The following OR2T11 variants were observed in gnomAD, a reference collection of about 807,000 sequenced individuals.
OR2T11 encodes olfactory receptor family 2 subfamily T member 11.
In OR2T11, 14 loss-of-function variants were observed where a neutral mutation model predicts 13.5. The observed-to-expected ratio is 1.04, with a 90% CI of 0.69 to 1.62. The LOEUF (loss-of-function observed/expected upper bound fraction) is 1.62, where lower values mean the gene tolerates loss of function less well. Ranked by LOEUF, OR2T11 falls within the 40% of genes most tolerant of loss-of-function variation. The pLI is 0.00. For missense variants in OR2T11, 410 were observed against 389.7 expected (o/e 1.05, Z -0.44); for synonymous variants, 163 against 154.6 (o/e 1.05, Z -0.40).
In OR2T11 at chr1:248,626,802, G is replaced by A. The variant is rs547303299; in HGVS notation, c.327C>T (p.Phe109=). Residue 109 remains phenylalanine, a synonymous_variant, in exon 2 of 2, where the codon TTC becomes TTT. Coordinates refer to ENST00000641193, the MANE Select transcript of OR2T11 (RefSeq NM_001001964.2). ...CATAGGCCATGAGGCCCAGGAGGAA[G>A]AACTCAGAACCAATCATGGTCAGGT... ...FLYLTMIGSE[F]FLLGLMAYDC... 6.4e-6 allele frequency: 10 copies of A among 1,569,862 alleles called. 2 individuals are homozygous for A. In the African/African-American group the frequency reaches 9.1e-5, roughly 14 times the overall value.
At chr1:248,630,186 GAAAT>G (rs1159749457) in intron 1 of OR2T11, among the ~76,000 whole-genome samples, 1 of 142,354 alleles carries the variant, frequency 7.0e-6, no homozygotes, top group Non-Finnish European at 1.5e-5. Flanking sequence ...GTGCTGAAGA[GAAAT>G]AATTTTTTTT....
intron 1 of OR2T11, among the ~76,000 whole-genome samples, chr1:248,629,463 G>T (rs28729754): frequency 7.2e-6 from 1 of 139,424 alleles, no homozygotes; most frequent in Non-Finnish European, 1.5e-5. Flanking sequence ...CATGTCCATA[G>T]CTAGTAGGTG....
chr1:248,633,239 T>C (rs1001728119), intron 1 of OR2T11, among the ~76,000 whole-genome samples: 2 of 137,426 alleles, frequency 1.5e-5, no homozygotes, highest in Non-Finnish European at 3.1e-5. Context: ...TAGTACATAA[T>C]AGAATTCTAA....
chr1:248,629,041 A>C lies in OR2T11; in HGVS notation c.-144-1769T>G, dbSNP rs2103102379. Among the ~76,000 whole-genome samples the C allele has an allele frequency of 1.4e-5, 2 of 144,082 alleles. 1 individual carries two copies. Among genetic ancestry groups the C allele is most frequent in the African/African-American group, 5.4e-5 (2 of 36,782 alleles). 94.5% of individuals were successfully genotyped at this position (144,082 alleles called of 152,430 possible). On this transcript the variant is annotated intron_variant, in intron 1 of 1. Transcript: ENST00000641193. Reference sequence around the variant, plus strand: ...AAAAACTTCCTAATAGAATTAACCCACACTAAGGAGAAGAGAGCACATCTC... The same window carrying C: ...AAAAACTTCCTAATAGAATTAACCCCCACTAAGGAGAAGAGAGCACATCTC...
chr1:248,627,096 G>A lies in OR2T11; in HGVS notation c.33C>T (p.Leu11=). Residue 11 remains leucine (L), a synonymous_variant, in exon 2 of 2, where the codon CTC becomes CTT. Transcript: ENST00000641193. MTNTSSSDFT[L]LGLLVNSEAA... ...CCTCACTGTTCACCAGAAGCCCCAG[G>A]AGGGTGAAGTCAGAGGATGATGTGT... 1 of 1,563,824 alleles carries A rather than the reference G, an allele frequency of 6.4e-7. No homozygotes were observed. Among genetic ancestry groups the A allele is most frequent in the Non-Finnish European group, 8.7e-7 (1 of 1,149,444 alleles).
In OR2T11 at chr1:248,626,178, C is replaced by T; in HGVS notation, c.951G>A (p.Ter317=). Residue 317 remains the stop codon, a stop_retained_variant, in exon 2 of 2, where the codon TAG becomes TAA. Coordinates refer to ENST00000641193, the MANE Select transcript of OR2T11 (RefSeq NM_001001964.2). ...SAQKVATSDA[*] is the part of the protein sequence containing the mutation. The stretch of plus-strand genomic sequence containing the variant: ...GCCTTATCCTCTGGGCAGTGACTCT[C>T]TAAGCATCACTTGTTGCTACTTTCT... 4.8e-6 allele frequency: 7 copies of T among 1,457,452 alleles called. 2 individuals carry two copies. Among genetic ancestry groups the T allele is most frequent in the Non-Finnish European group, 6.6e-6 (7 of 1,053,810 alleles). 90.3% of individuals were successfully genotyped at this position (1,457,452 alleles called of 1,614,324 possible).
rs1011866971 is a variant in OR2T11, at chr1:248,626,023, C to T, written c.*155G>A. The T allele has an allele frequency of 1.9e-6, 1 of 539,472 alleles. No individual in the cohort carries two copies. Among genetic ancestry groups the T allele is most frequent in the Non-Finnish European group, 3.3e-6 (1 of 303,248 alleles). The allele number at this position is 539,472 out of a possible 1,614,324, so 33.4% of individuals were successfully genotyped here. On this transcript the variant is annotated 3_prime_UTR_variant, in exon 2 of 2. Coordinates refer to ENST00000641193, the MANE Select transcript of OR2T11 (RefSeq NM_001001964.2). ...AGATCTCTGCATAACAGTAAAACAT[C>T]TTTCCCTTGCTCCCGAGGAGCAAGA...
chr1:248,629,429 C>T (rs1331426879), intron 1 of OR2T11, among the ~76,000 whole-genome samples: 2 of 135,188 alleles, frequency 1.5e-5, no homozygotes, highest in Non-Finnish European at 3.2e-5. Flanking sequence ...TATTTATTAA[C>T]AATTAAAAAC....
At position 248,626,773 on chromosome 1, in the gene OR2T11, C is replaced by T. The variant is rs140753661; in HGVS notation, c.356G>A (p.Cys119Tyr). 18 of 1,569,746 alleles carry T rather than the reference C, an allele frequency of 1.1e-5. 1 individual carries two copies. The highest frequency in any genetic ancestry group is 1.7e-4 in the Middle Eastern group (1 of 5,994). Reference protein sequence around the residue: ...FFLLGLMAYDCYVAVCNPLRY... With the variant: ...FFLLGLMAYDYYVAVCNPLRY... ...CAGAGGGTTACAGACAGCCACGTAGCAGTCATAGGCCATGAGGCCCAGGAG... is the reference window on the plus strand; with the variant it reads ...CAGAGGGTTACAGACAGCCACGTAGTAGTCATAGGCCATGAGGCCCAGGAG... The change falls in exon 2 of 2, where the codon TGC becomes TAC. Residue 119 changes from cysteine (C) to tyrosine (Y), a missense_variant. Coordinates refer to ENST00000641193, the MANE Select transcript of OR2T11 (RefSeq NM_001001964.2).
rs1660497243 is a variant in OR2T11, at chr1:248,625,239, T to G, written c.*939A>C. On this transcript the variant is annotated 3_prime_UTR_variant, in exon 2 of 2. Coordinates refer to ENST00000641193, the MANE Select transcript of OR2T11 (RefSeq NM_001001964.2). ...ACACCCTACACAAGCCATCCTTGTT[T>G]CTCATCTCTGAAACCTCAATTGTCT... The G allele has an allele frequency of 7.0e-6, 1 of 143,568 alleles. No homozygotes were observed. The highest frequency in any genetic ancestry group is 6.8e-5 in the Admixed American group (1 of 14,704). 8.9% of individuals were successfully genotyped at this position (143,568 alleles called of 1,614,324 possible).
chr1:248,634,808 A>G lies in OR2T11; in HGVS notation c.-145+230T>C, dbSNP rs534260999. The stretch of plus-strand genomic sequence containing the variant: ...TTTCAGATTTTTAATTTTTGTGGAT[A>G]CAGAGGTCTGCGTTTTTCCTTTATG... On this transcript the variant is annotated intron_variant, in intron 1 of 1. Coordinates refer to ENST00000641193, the MANE Select transcript of OR2T11 (RefSeq NM_001001964.2). Among the ~76,000 whole-genome samples the G allele has an allele frequency of 2.8e-5, 4 of 143,488 alleles. No individual in the cohort carries two copies. In the East Asian group the frequency reaches 8.1e-4, roughly 29 times the overall value. The allele number at this position is 143,488 out of a possible 152,430, so 94.1% of individuals were successfully genotyped here.
At chr1:248,634,538 AAG>A (rs1331790893) in intron 1 of OR2T11, among the ~76,000 whole-genome samples, 1 of 142,484 alleles carries the variant, frequency 7.0e-6, no homozygotes, top group Admixed American at 6.9e-5. Context: ...CCAGCTGAAA[AAG>A]AAGCTTAAAA....
intron 1 of OR2T11, among the ~76,000 whole-genome samples, chr1:248,630,458 G>A (rs1282947834): frequency 7.1e-6 from 1 of 140,810 alleles, no homozygotes; most frequent in Non-Finnish European, 1.5e-5. Context: ...CACTTCTTCT[G>A]TCTTCTGAAT....
chr1:248,634,033 T>A (rs1314116220), intron 1 of OR2T11, among the ~76,000 whole-genome samples: 1 of 141,868 alleles, frequency 7.0e-6, no homozygotes, highest in Non-Finnish European at 1.5e-5. Context: ...GACATGCAGT[T>A]CTATGTGAGC....
At position 248,634,621 on chromosome 1, in the gene OR2T11, A is replaced by G. The variant is rs1374560292; in HGVS notation, c.-145+417T>C. Among the ~76,000 whole-genome samples the G allele has an allele frequency of 1.4e-5, 2 of 139,460 alleles. 1 individual carries two copies. Among genetic ancestry groups the G allele is most frequent in the African/African-American group, 5.7e-5 (2 of 35,014 alleles). The allele number at this position is 139,460 out of a possible 152,430, so 91.5% of individuals were successfully genotyped here. A position where few individuals can be genotyped will look rare whatever the true frequency, so the allele number is the denominator to read the frequency against. ...TAACTAAATAACCTATCGATGCCAT[A>G]AAGTTGTCTATGAATACAATTGCTT... On this transcript the variant is annotated intron_variant, in intron 1 of 1. Transcript: ENST00000641193.
In OR2T11 at chr1:248,630,186, GAA is replaced by G. The variant is rs1382366846; in HGVS notation, c.-144-2916_-144-2915del. ...CTGATTTTATATAATGTGCTGAAGA[GAA>G]ATAATTTTTTTTAATGCTAGGCACT... On this transcript the variant is annotated intron_variant, in intron 1 of 1. Coordinates refer to ENST00000641193, the MANE Select transcript of OR2T11 (RefSeq NM_001001964.2). 1.4e-5 allele frequency among the ~76,000 whole-genome samples: 2 copies of G among 142,354 alleles called. 1 individual carries two copies. The highest frequency in any genetic ancestry group is 4.4e-4 in the South Asian group (2 of 4,524). 93.4% of individuals were successfully genotyped at this position (142,354 alleles called of 152,430 possible).
Position 248,626,845 on chromosome 1 carries a change from C to A in OR2T11, c.284G>T (p.Gly95Val). 6.4e-7 allele frequency: 1 copy of A among 1,571,828 alleles called. No homozygotes were observed. Among genetic ancestry groups the A allele is most frequent in the East Asian group, 2.3e-5 (1 of 43,632 alleles). Reference sequence around the variant, plus strand: ...GGTCAGGTAGAGGAAGATCTGGATGCCACAGGCCACAAAGGAAATGATCTT... The same window carrying A: ...GGTCAGGTAGAGGAAGATCTGGATGACACAGGCCACAAAGGAAATGATCTT... Reference protein sequence around the residue: ...KEKIISFVACGIQIFLYLTMI... With the variant: ...KEKIISFVACVIQIFLYLTMI... Residue 95 changes from glycine (G) to valine (V), a missense_variant, in exon 2 of 2, where the codon GGC becomes GTC. Coordinates refer to ENST00000641193, the MANE Select transcript of OR2T11 (RefSeq NM_001001964.2).
chr1:248,631,722 T>TGC (rs1660618457), intron 1 of OR2T11, among the ~76,000 whole-genome samples: 1 of 143,230 alleles, frequency 7.0e-6, no homozygotes, highest in Non-Finnish European at 1.5e-5. Context: ...CACACCTGCC[T>TGC]GCAGGTGTCT....
rs975864984 is a variant in OR2T11 at position 248,633,740 on chromosome 1, G to A, written c.-145+1298C>T. 9.1e-5 allele frequency among the ~76,000 whole-genome samples: 13 copies of A among 143,038 alleles called. 1 individual carries two copies. The highest frequency in any genetic ancestry group is 3.6e-4 in the African/African-American group (13 of 36,370). 93.8% of individuals were successfully genotyped at this position (143,038 alleles called of 152,430 possible). On this transcript the variant is annotated intron_variant, in intron 1 of 1. Coordinates refer to ENST00000641193, the MANE Select transcript of OR2T11 (RefSeq NM_001001964.2). Reference sequence around the variant, plus strand: ...TAAACACTTTGGAAATCCAGGGAAAGAACAATTTTGACAACATCAACTGAC... The same window carrying A: ...TAAACACTTTGGAAATCCAGGGAAAAAACAATTTTGACAACATCAACTGAC...
Sources: gnomAD v4.1 joint callset for allele counts (sites outside exome capture counted in the v4.1 genomes callset) on GRCh38, gnomAD v4.1.1 for gene constraint, MANE v1.5 for transcripts, NCBI Gene and HGNC (gene_info 2026-07-23, HGNC 2026-07-21) for gene names.